GPC6: variants seen among roughly 807,000 people sequenced by gnomAD.
GPC6 encodes the protein glypican-6.
GPC6 carries 14 observed loss-of-function variants against 55.2 expected under a neutral mutation model. The ratio of observed to expected loss-of-function variants is 0.25; its 90% CI spans 0.17 to 0.40. The LOEUF (loss-of-function observed/expected upper bound fraction) is 0.40. Ranked by LOEUF, GPC6 falls within the 10% of genes least tolerant of loss-of-function variation. GPC6 has a pLI of 1.00. For missense variants in GPC6, 641 were observed against 708.5 expected (o/e 0.90, Z 1.08); for synonymous variants, 278 against 259.6 (o/e 1.07, Z -0.68).
chr13:93,892,256 A>G (rs1875738127), intron 3 of GPC6, among the ~76,000 whole-genome samples: 1 of 152,006 alleles, frequency 6.6e-6, no homozygotes, highest in South Asian at 2.1e-4. Context: ...GAACATGGAT[A>G]TGGGAAGCCC....
At chr13:93,792,924 C>T (rs3759423) in intron 2 of GPC6, among the ~76,000 whole-genome samples, 40,905 of 152,004 alleles carry the variant, frequency 0.27, 5,673 homozygotes, top group Non-Finnish European at 0.29. Context: ...TTGCTTCTTG[C>T]TAGCCATGCG....
intron 1 of GPC6, among the ~76,000 whole-genome samples, chr13:93,346,844 G>T (rs1450548912): frequency 6.6e-6 from 1 of 152,140 alleles, no homozygotes; most frequent in African/African-American, 2.4e-5. Context: ...ATAGCATTAT[G>T]TAGATACATT....
intron 1 of GPC6, among the ~76,000 whole-genome samples, chr13:93,326,711 A>C (rs1879669825): frequency 6.6e-6 from 1 of 152,244 alleles, no homozygotes; most frequent in Admixed American, 6.5e-5. Context: ...TCATATTTAC[A>C]GATAACCATT....
intron 6 of GPC6, among the ~76,000 whole-genome samples, chr13:94,325,362 T>TCTGGACGC (rs1252696768): frequency 6.6e-6 from 1 of 152,146 alleles, no homozygotes; most frequent in Non-Finnish European, 1.5e-5. Flanking sequence ...GGGCAGTCAG[T>TCTGGACGC]CTGGACGCCA....
At chr13:93,650,510 T>TAAA (rs1880363861) in intron 2 of GPC6, among the ~76,000 whole-genome samples, 1 of 151,468 alleles carries the variant, frequency 6.6e-6, no homozygotes, top group Non-Finnish European at 1.5e-5. Flanking sequence ...AAAAAAATAC[T>TAAA]GCCTTTCTAA....
chr13:93,907,816 C>T (rs1326237475), intron 3 of GPC6, among the ~76,000 whole-genome samples: 1 of 152,090 alleles, frequency 6.6e-6, no homozygotes, highest in African/African-American at 2.4e-5. Flanking sequence ...ATTAGTTATA[C>T]AGTTTTTGTC....
intron 4 of GPC6, among the ~76,000 whole-genome samples, chr13:94,243,986 C>G (rs961168721): frequency 6.6e-6 from 1 of 152,088 alleles, no homozygotes; most frequent in Non-Finnish European, 1.5e-5. Flanking sequence ...ATGACTGAAC[C>G]TTATGATTAT....
At chr13:93,457,974 G>T (rs1300438507) in intron 1 of GPC6, among the ~76,000 whole-genome samples, 1 of 152,152 alleles carries the variant, frequency 6.6e-6, no homozygotes, top group South Asian at 2.1e-4. Context: ...CACTCAGGGA[G>T]GATTCATTCC....
intron 6 of GPC6, among the ~76,000 whole-genome samples, chr13:94,372,338 G>A (rs958673851): frequency 2.0e-5 from 3 of 152,140 alleles, no homozygotes; most frequent in African/African-American, 4.8e-5. Context: ...GACAGTGGGC[G>A]CAGGTCAGTG....
At chr13:93,581,185 A>C (rs759657690) in intron 2 of GPC6, among the ~76,000 whole-genome samples, 1 of 152,238 alleles carries the variant, frequency 6.6e-6, no homozygotes, top group Non-Finnish European at 1.5e-5. Context: ...CATGCTTCAT[A>C]TCAATGTCAA....
chr13:93,300,906 C>A (rs1479351266), intron 1 of GPC6, among the ~76,000 whole-genome samples: 2 of 151,926 alleles, frequency 1.3e-5, no homozygotes, highest in Non-Finnish European at 2.9e-5. Context: ...GTAATCCCAG[C>A]TACTTGGGAG....
At chr13:94,167,484 A>G (rs1372747388) in intron 4 of GPC6, among the ~76,000 whole-genome samples, 3 of 152,230 alleles carry the variant, frequency 2.0e-5, no homozygotes, top group Non-Finnish European at 4.4e-5. Context: ...ATTTAAATTC[A>G]TGAGAACTAG....
chr13:94,077,060 A>T (rs1884942909), intron 4 of GPC6, among the ~76,000 whole-genome samples: 1 of 150,068 alleles, frequency 6.7e-6, no homozygotes, highest in Non-Finnish European at 1.5e-5. Flanking sequence ...TCTGTTGATC[A>T]GTTTGGGTAC....
chr13:93,417,380 C>T (rs1876738035), intron 1 of GPC6, among the ~76,000 whole-genome samples: 2 of 151,978 alleles, frequency 1.3e-5, no homozygotes, highest in Admixed American at 1.3e-4. Flanking sequence ...ATGTTATAGC[C>T]AGTCTCTGGA....
intron 2 of GPC6, among the ~76,000 whole-genome samples, chr13:93,733,578 T>TA (rs916395080): frequency 0.025 from 3,674 of 146,992 alleles, 59 homozygotes; most frequent in Non-Finnish European, 0.035. Flanking sequence ...AATTTTTATG[T>TA]AAAAAAAAAA....
intron 2 of GPC6, among the ~76,000 whole-genome samples, chr13:93,579,037 G>A (rs1377394485): frequency 6.6e-6 from 1 of 152,048 alleles, no homozygotes; most frequent in Admixed American, 6.6e-5. Context: ...ATATGTTGGA[G>A]CTAAAAAACT....
At chr13:94,400,834 A>T (rs1320909183) in intron 8 of GPC6, among the ~76,000 whole-genome samples, 2 of 152,218 alleles carry the variant, frequency 1.3e-5, no homozygotes, top group Non-Finnish European at 2.9e-5. Flanking sequence ...CAAAGCTTCC[A>T]GTTTCCTGAG....
intron 2 of GPC6, among the ~76,000 whole-genome samples, chr13:93,594,919 C>T (rs566866782): frequency 2.3e-4 from 35 of 151,752 alleles, no homozygotes; most frequent in African/African-American, 7.0e-4. Flanking sequence ...CAAAATACAC[C>T]ACCTTCAAAT....
At chr13:94,104,424 C>A (rs1482680007) in intron 4 of GPC6, among the ~76,000 whole-genome samples, 2 of 152,146 alleles carry the variant, frequency 1.3e-5, no homozygotes, top group Non-Finnish European at 2.9e-5. Flanking sequence ...CAGGGATGCC[C>A]TCTCTCACCA....
Sources: gnomAD v4.1 joint callset for allele counts (sites outside exome capture counted in the v4.1 genomes callset) on GRCh38, gnomAD v4.1.1 for gene constraint, MANE v1.5 for transcripts, NCBI Gene and HGNC (gene_info 2026-07-23, HGNC 2026-07-21) for gene names.